DCDC2C: variants seen among roughly 807,000 people sequenced by gnomAD.
DCDC2C encodes the protein doublecortin domain-containing protein 2C.
Under a neutral mutation model 45.0 loss-of-function variants are expected in DCDC2C, and 44 were observed. The observed-to-expected ratio is 0.98, with a 90% CI of 0.77 to 1.26. DCDC2C has a LOEUF of 1.26. Among genes scored for constraint, DCDC2C ranks in the 50% most tolerant of loss-of-function variants. The pLI is 0.00. For missense variants in DCDC2C, 447 were observed against 468.9 expected, an observed-to-expected ratio of 0.95 and a Z score of 0.43; for synonymous variants, 187 against 178.8, an observed-to-expected ratio of 1.05 and a Z score of -0.37.
intron 6 of DCDC2C, among the ~76,000 whole-genome samples, chr2:3,764,928 T>C (rs761306191): frequency 6.6e-6 from 1 of 152,226 alleles, no homozygotes; most frequent in Non-Finnish European, 1.5e-5. Context: ...GAAAATACTA[T>C]ATCAGATGAA....
chr2:3,815,563 A>C (rs1671534767), intron 10 of DCDC2C, among the ~76,000 whole-genome samples: 1 of 152,196 alleles, frequency 6.6e-6, no homozygotes, highest in Non-Finnish European at 1.5e-5. Flanking sequence ...ACACGTATCC[A>C]TGTGAAGAGA....
intron 6 of DCDC2C, among the ~76,000 whole-genome samples, chr2:3,757,187 T>C (rs950971976): frequency 6.6e-6 from 1 of 152,242 alleles, no homozygotes; most frequent in Non-Finnish European, 1.5e-5. Context: ...TTATGATAAA[T>C]GTGTTTGTTT....
chr2:3,795,507 T>C (rs13011347), intron 10 of DCDC2C, among the ~76,000 whole-genome samples: 7 of 125,754 alleles, frequency 5.6e-5, no homozygotes, highest in East Asian at 7.3e-4. Context: ...TTAGGTCTAA[T>C]GTTTAAGTCT....
intron 1 of DCDC2C, among the ~76,000 whole-genome samples, chr2:3,705,521 T>G (rs1339738957): frequency 6.6e-6 from 1 of 152,238 alleles, no homozygotes; most frequent in Non-Finnish European, 1.5e-5. Context: ...AAAGTCCCTT[T>G]CGATACATAT....
At position 3,767,881 on chromosome 2, in the gene DCDC2C, G is replaced by A; in HGVS notation, c.853+1G>A. The A allele has an allele frequency of 6.6e-7, 1 of 1,508,000 alleles. No individual in the cohort carries two copies. The highest frequency in any genetic ancestry group is 1.3e-5 in the South Asian group (1 of 76,220). 93.4% of individuals were successfully genotyped at this position (1,508,000 alleles called of 1,614,324 possible). A position where few individuals can be genotyped will look rare whatever the true frequency, so the allele number is the denominator to read the frequency against. On this transcript the variant is annotated splice_donor_variant, in intron 7 of 10. Transcript: ENST00000399143. LOFTEE classifies it high-confidence loss of function. Reference sequence around the variant, plus strand: ...GAACCTTTAGTCCAAAGGGGTGCAGGTGACGTGCAGTTTCATTCTGCTGTA... The same window carrying A: ...GAACCTTTAGTCCAAAGGGGTGCAGATGACGTGCAGTTTCATTCTGCTGTA...
chr2:3,828,270 G>C (rs543772457), intron 10 of DCDC2C, among the ~76,000 whole-genome samples: 1 of 152,296 alleles, frequency 6.6e-6, no homozygotes, highest in Non-Finnish European at 1.5e-5. Context: ...GGTGACAATA[G>C]AAACAGCAGA....
chr2:3,799,693 C>T (rs1377801074), intron 10 of DCDC2C, among the ~76,000 whole-genome samples: 4 of 152,206 alleles, frequency 2.6e-5, no homozygotes, highest in Non-Finnish European at 5.9e-5. Context: ...GGTCAGGGGT[C>T]AGGGACCCAC....
At chr2:3,772,278 C>T (rs542341637) in intron 8 of DCDC2C, among the ~76,000 whole-genome samples, 2 of 152,298 alleles carry the variant, frequency 1.3e-5, no homozygotes, top group South Asian at 2.1e-4. Context: ...AAGGACACTT[C>T]GATTTTCCTG....
intron 4 of DCDC2C, among the ~76,000 whole-genome samples, chr2:3,743,795 C>T (rs1488055233): frequency 3.9e-5 from 6 of 152,146 alleles, no homozygotes; most frequent in African/African-American, 1.4e-4. Context: ...TGGCCGGGTG[C>T]GGTGGCTCAC....
intron 10 of DCDC2C, among the ~76,000 whole-genome samples, chr2:3,805,431 G>A (rs1027810174): frequency 3.3e-5 from 5 of 152,306 alleles, no homozygotes; most frequent in South Asian, 2.1e-4. Context: ...TCGTGTGTGT[G>A]ACTGAGGTGG....
intron 10 of DCDC2C, among the ~76,000 whole-genome samples, chr2:3,832,298 CA>C (rs1375671518): frequency 6.6e-6 from 1 of 152,160 alleles, no homozygotes; most frequent in Non-Finnish European, 1.5e-5. Context: ...ATGTTTTTGT[CA>C]GTGTGAATAA....
chr2:3,764,872 A>AT (rs935705601), intron 6 of DCDC2C, among the ~76,000 whole-genome samples: 2 of 152,192 alleles, frequency 1.3e-5, no homozygotes, highest in African/African-American at 4.8e-5. Context: ...TATAAAGCAC[A>AT]TTTTTGGGAC....
chr2:3,833,520 C>T (rs887569032), intron 10 of DCDC2C, among the ~76,000 whole-genome samples: 1 of 152,190 alleles, frequency 6.6e-6, no homozygotes, highest in Non-Finnish European at 1.5e-5. Context: ...TTGTGTCAGC[C>T]TTTCAGGGCT....
intron 3 of DCDC2C, among the ~76,000 whole-genome samples, chr2:3,739,612 C>A (rs534325199): frequency 1.3e-5 from 2 of 152,222 alleles, no homozygotes; most frequent in Non-Finnish European, 2.9e-5. Flanking sequence ...GCTGGGGTTC[C>A]GAGAGGCCTG....
At chr2:3,721,823 A>G in intron 2 of DCDC2C, among the ~76,000 whole-genome samples, 1 of 152,222 alleles carries the variant, frequency 6.6e-6, no homozygotes, top group East Asian at 1.9e-4. Flanking sequence ...GTTGCCCTGC[A>G]CAAGCTCTCT....
chr2:3,798,605 T>G (rs1419254476), intron 10 of DCDC2C, among the ~76,000 whole-genome samples: 48 of 149,506 alleles, frequency 3.2e-4, no homozygotes, highest in Non-Finnish European at 5.9e-4. Context: ...GTCTGTAAAG[T>G]ATTTTATTTC....
intron 10 of DCDC2C, among the ~76,000 whole-genome samples, chr2:3,834,954 T>C (rs1672040479): frequency 6.6e-6 from 1 of 152,202 alleles, no homozygotes; most frequent in Admixed American, 6.5e-5. Context: ...TGGTAGGTAT[T>C]AGTTTTCTAA....
At chr2:3,797,058 G>A (rs536241113) in intron 10 of DCDC2C, among the ~76,000 whole-genome samples, 2 of 152,104 alleles carry the variant, frequency 1.3e-5, no homozygotes, top group African/African-American at 4.8e-5. Flanking sequence ...TCTGTTATTG[G>A]TCTATTCAGA....
At chr2:3,764,052 C>G (rs1486548904) in intron 6 of DCDC2C, among the ~76,000 whole-genome samples, 1 of 152,214 alleles carries the variant, frequency 6.6e-6, no homozygotes, top group Non-Finnish European at 1.5e-5. Flanking sequence ...CATGAGCAGA[C>G]TAAATTAGAA....
Sources: gnomAD v4.1 joint callset for allele counts (sites outside exome capture counted in the v4.1 genomes callset) on GRCh38, gnomAD v4.1.1 for gene constraint, MANE v1.5 for transcripts, NCBI Gene and HGNC (gene_info 2026-07-23, HGNC 2026-07-21) for gene names.